TMEM132C: variants seen among roughly 807,000 people sequenced by gnomAD.
TMEM132C encodes protein phosphatase 1, regulatory subunit 152.
A neutral mutation model predicts 61.4 loss-of-function variants in TMEM132C; 29 were observed. That is an observed-to-expected ratio of 0.47 (90% CI 0.35 to 0.64). TMEM132C has a LOEUF of 0.64. Ranked by LOEUF, TMEM132C falls within the 30% of genes least tolerant of loss-of-function variation. TMEM132C has a pLI of 0.00. For missense variants in TMEM132C, 1,408 were observed against 1,476.9 expected, an observed-to-expected ratio of 0.95 and a Z score of 0.76; for synonymous variants, 656 against 633.1, an observed-to-expected ratio of 1.04 and a Z score of -0.54.
intron 1 of TMEM132C, among the ~76,000 whole-genome samples, chr12:128,360,459 T>A (rs1873667000): frequency 6.6e-6 from 1 of 152,144 alleles, no homozygotes; most frequent in Non-Finnish European, 1.5e-5. Context: ...AGGAACCGAA[T>A]GCTTAACGTT....
Position 128,387,140 on chromosome 12 carries a change from C to CAA in TMEM132C, c.86-27572_86-27571dup, listed in dbSNP as rs34160455. Among the ~76,000 whole-genome samples the CAA allele has an allele frequency of 8.1e-3, 695 of 85,448 alleles. 9 individuals carry two copies. The highest frequency in any genetic ancestry group is 0.015 in the African/African-American group (324 of 21,852). The allele number at this position is 85,448 out of a possible 152,430, so 56.1% of individuals were successfully genotyped here. A position where few individuals can be genotyped will look rare whatever the true frequency, so the allele number is the denominator to read the frequency against. ...TGGGTAACAGAGCAAGACTCTGCCTCAAAAAAAAAAAAAAAAAAAAAGAAA... is the reference window on the plus strand; with the variant it reads ...TGGGTAACAGAGCAAGACTCTGCCTCAAAAAAAAAAAAAAAAAAAAAAAGAAA... On this transcript the variant is annotated intron_variant, in intron 1 of 8. Coordinates refer to ENST00000435159, the MANE Select transcript of TMEM132C (RefSeq NM_001136103.3).
chr12:128,310,467 T>TGA (rs1871931343), intron 1 of TMEM132C, among the ~76,000 whole-genome samples: 1 of 152,154 alleles, frequency 6.6e-6, no homozygotes, highest in South Asian at 2.1e-4. Context: ...CTTCCAATCG[T>TGA]GGCAGAAAGT....
chr12:128,363,709 G>A (rs191872334), intron 1 of TMEM132C, among the ~76,000 whole-genome samples: 3 of 152,178 alleles, frequency 2.0e-5, no homozygotes, highest in Admixed American at 1.3e-4. Context: ...GCTGGGCGTG[G>A]TGGCACATGC....
intron 2 of TMEM132C, among the ~76,000 whole-genome samples, chr12:128,470,259 C>T (rs1217828629): frequency 6.6e-6 from 1 of 152,154 alleles, no homozygotes. Flanking sequence ...ACCATCCTGT[C>T]TTGCTTATGA....
chr12:128,293,600 T>G (rs1246787908), intron 1 of TMEM132C, among the ~76,000 whole-genome samples: 5 of 152,184 alleles, frequency 3.3e-5, no homozygotes, highest in Non-Finnish European at 7.3e-5. Flanking sequence ...TGATTGAACT[T>G]GTTTTATTTA....
At chr12:128,328,317 A>G (rs1177661286) in intron 1 of TMEM132C, among the ~76,000 whole-genome samples, 1 of 152,190 alleles carries the variant, frequency 6.6e-6, no homozygotes, top group Non-Finnish European at 1.5e-5. Context: ...TCCATCATCT[A>G]TGGATAAGAC....
intron 3 of TMEM132C, among the ~76,000 whole-genome samples, chr12:128,598,009 A>C (rs6486704): frequency 0.68 from 102,997 of 152,220 alleles, 36,351 homozygotes; most frequent in Non-Finnish European, 0.79. Context: ...ATCCAAGTAA[A>C]AGATTTCAGG....
chr12:128,535,668 A>G (rs1308923855), intron 2 of TMEM132C, among the ~76,000 whole-genome samples: 1 of 152,170 alleles, frequency 6.6e-6, no homozygotes, highest in Admixed American at 6.5e-5. Context: ...GGAGATCGAG[A>G]CCATCTTAGC....
chr12:128,523,280 G>A (rs946067166), intron 2 of TMEM132C, among the ~76,000 whole-genome samples: 1 of 152,170 alleles, frequency 6.6e-6, no homozygotes, highest in Non-Finnish European at 1.5e-5. Context: ...TGGACTGGTA[G>A]TGTTTAATGG....
chr12:128,479,322 C>T (rs1381595984), intron 2 of TMEM132C, among the ~76,000 whole-genome samples: 3 of 152,022 alleles, frequency 2.0e-5, no homozygotes, highest in Non-Finnish European at 4.4e-5. Context: ...ACAAGTTTAC[C>T]TATGTAACAA....
At chr12:128,683,162 T>C (rs894495391) in intron 5 of TMEM132C, among the ~76,000 whole-genome samples, 6 of 152,118 alleles carry the variant, frequency 3.9e-5, no homozygotes, top group African/African-American at 1.4e-4. Flanking sequence ...ACTCTCCTCT[T>C]CCAACCCCCT....
intron 3 of TMEM132C, among the ~76,000 whole-genome samples, chr12:128,601,366 C>T (rs1009625747): frequency 6.6e-6 from 1 of 152,258 alleles, no homozygotes; most frequent in Non-Finnish European, 1.5e-5. Flanking sequence ...ACTCCGCAAA[C>T]ATTTGCTGTG....
chr12:128,635,827 C>A (rs1341499436), intron 4 of TMEM132C, among the ~76,000 whole-genome samples: 1 of 152,214 alleles, frequency 6.6e-6, no homozygotes, highest in Non-Finnish European at 1.5e-5. Flanking sequence ...CAGCTCCCTG[C>A]CCTAAAACCT....
chr12:128,441,960 C>G (rs1869804325), intron 2 of TMEM132C, among the ~76,000 whole-genome samples: 1 of 152,106 alleles, frequency 6.6e-6, no homozygotes, highest in South Asian at 2.1e-4. Context: ...CGGGATCGCA[C>G]CATGGCACTC....
chr12:128,343,160 T>A (rs1017990127), intron 1 of TMEM132C, among the ~76,000 whole-genome samples: 6 of 152,152 alleles, frequency 3.9e-5, no homozygotes, highest in Non-Finnish European at 8.8e-5. Context: ...GTGCGATGGC[T>A]CATGCCTGTA....
At chr12:128,556,391 C>G (rs1874330810) in intron 3 of TMEM132C, among the ~76,000 whole-genome samples, 1 of 152,188 alleles carries the variant, frequency 6.6e-6, no homozygotes, top group Non-Finnish European at 1.5e-5. Flanking sequence ...TGAGAACCTG[C>G]ACAGTGTTGG....
chr12:128,333,801 T>G (rs1028423031), intron 1 of TMEM132C, among the ~76,000 whole-genome samples: 1 of 151,304 alleles, frequency 6.6e-6, no homozygotes, highest in African/African-American at 2.4e-5. Flanking sequence ...GTGGCTTGTT[T>G]GTGGTGTGTG....
At chr12:128,269,157 A>G (rs771076877) in intron 1 of TMEM132C, among the ~76,000 whole-genome samples, 26 of 152,160 alleles carry the variant, frequency 1.7e-4, no homozygotes, top group Admixed American at 2.6e-4. Flanking sequence ...CCTACCTCCC[A>G]GCAGTTTTTT....
At chr12:128,634,327 A>G (rs1954084711) in intron 4 of TMEM132C, among the ~76,000 whole-genome samples, 1 of 152,222 alleles carries the variant, frequency 6.6e-6, no homozygotes, top group African/African-American at 2.4e-5. Flanking sequence ...TTCCTGTCTC[A>G]GCCTCCCAAA....
Sources: allele counts gnomAD v4.1 joint callset (sites outside exome capture counted in the v4.1 genomes callset), GRCh38; gene constraint gnomAD v4.1.1; transcripts MANE v1.5; gene names NCBI Gene and HGNC (gene_info 2026-07-23, HGNC 2026-07-21).